The following CACNB4 variants were observed in gnomAD, a reference collection of about 807,000 sequenced individuals.
The protein encoded by CACNB4 is calcium voltage-gated channel auxiliary subunit beta 4, also known as voltage-dependent L-type calcium channel subunit beta-4.
A neutral mutation model predicts 71.2 loss-of-function variants in CACNB4; 32 were observed. The observed-to-expected ratio is 0.45, with a 90% CI of 0.34 to 0.60. CACNB4 has a LOEUF of 0.60. CACNB4 is among the 20% of genes least tolerant of loss of function. The pLI, the probability that CACNB4 is intolerant of heterozygous loss-of-function variation, is 0.01. For missense variants in CACNB4, 464 were observed against 647.9 expected (o/e 0.72, Z 3.08); for synonymous variants, 231 against 236.9 (o/e 0.97, Z 0.23).
chr2:152,007,388 C>A (rs1682789460), intron 2 of CACNB4, among the ~76,000 whole-genome samples: 1 of 152,234 alleles, frequency 6.6e-6, no homozygotes, highest in South Asian at 2.1e-4. Flanking sequence ...TGTCCTCCCC[C>A]AAACCCTGGC....
chr2:152,059,745 GTGAGGACATGAAATT>G (rs1160559416), intron 2 of CACNB4, among the ~76,000 whole-genome samples: 1 of 152,226 alleles, frequency 6.6e-6, no homozygotes, highest in Non-Finnish European at 1.5e-5. Context: ...GTTTTGCAAT[GTGAGGACATGAAATT>G]TGGGAGAGGC....
intron 2 of CACNB4, among the ~76,000 whole-genome samples, chr2:151,981,111 T>C (rs1337573065): frequency 1.3e-5 from 2 of 152,114 alleles, no homozygotes; most frequent in African/African-American, 4.8e-5. Flanking sequence ...CCTTCTCCCA[T>C]ACTTCCATAA....
At chr2:151,879,302 C>T (rs148813235) in intron 4 of CACNB4, among the ~76,000 whole-genome samples, 11 of 152,228 alleles carry the variant, frequency 7.2e-5, no homozygotes, top group African/African-American at 2.2e-4. Flanking sequence ...TAGGAAACAG[C>T]GAAAGCACAG....
At chr2:152,044,940 G>A (rs1411964928) in intron 2 of CACNB4, among the ~76,000 whole-genome samples, 2 of 152,130 alleles carry the variant, frequency 1.3e-5, no homozygotes, top group African/African-American at 2.4e-5. Context: ...TGAAGCAGGG[G>A]AAAGAGAAGA....
chr2:151,970,933 T>C (rs1456737118), intron 2 of CACNB4: 15 of 148,472 alleles, frequency 1.0e-4, no homozygotes, highest in Admixed American at 3.4e-4. Context: ...CCAAAAAGGC[T>C]CCACAGGACT....
chr2:151,887,495 T>C (rs890892652), intron 2 of CACNB4, among the ~76,000 whole-genome samples: 2 of 151,866 alleles, frequency 1.3e-5, no homozygotes, highest in African/African-American at 4.8e-5. Flanking sequence ...TCTTCTCAAG[T>C]ACAAAATGCA....
chr2:151,839,913 T>A (rs1381919384), intron 13 of CACNB4, among the ~76,000 whole-genome samples: 2 of 152,208 alleles, frequency 1.3e-5, no homozygotes, highest in Non-Finnish European at 1.5e-5. Flanking sequence ...CCTACATAAA[T>A]GTAATAATCT....
intron 2 of CACNB4, among the ~76,000 whole-genome samples, chr2:152,062,640 G>A (rs1191895507): frequency 6.6e-6 from 1 of 152,138 alleles, no homozygotes; most frequent in East Asian, 1.9e-4. Flanking sequence ...TCTTCACGGA[G>A]CACTGAACGT....
chr2:151,952,432 C>G (rs1433494743), intron 2 of CACNB4, among the ~76,000 whole-genome samples: 1 of 152,244 alleles, frequency 6.6e-6, no homozygotes, highest in African/African-American at 2.4e-5. Context: ...CTCTGAAGGT[C>G]CCTCTTACTG....
intron 9 of CACNB4, among the ~76,000 whole-genome samples, chr2:151,863,122 G>C (rs2099842174): frequency 6.6e-6 from 1 of 151,824 alleles, no homozygotes; most frequent in African/African-American, 2.4e-5. Flanking sequence ...CTGGAGTGCA[G>C]TGGTGCAATC....
At chr2:151,887,431 C>CA (rs5835386) in intron 2 of CACNB4, among the ~76,000 whole-genome samples, 8 of 146,028 alleles carry the variant, frequency 5.5e-5, no homozygotes, top group African/African-American at 2.0e-4. Flanking sequence ...GACCCTGTCT[C>CA]AAAAAAAAAA....
rs1331190288 is a variant in CACNB4, at chr2:151,946,381, T to G, written c.148-63011A>C. 2.0e-5 allele frequency among the ~76,000 whole-genome samples: 3 copies of G among 151,316 alleles called. No homozygotes were observed. In the South Asian group the frequency reaches 6.3e-4, roughly 32 times the overall value. ...GCTTCAGTGACCAACCTTCCTGGTT[T>G]GCCTGGGACTTCAGTGTTTCCCAGG... On this transcript the variant is annotated intron_variant, in intron 2 of 13. Coordinates refer to ENST00000539935, the MANE Select transcript of CACNB4 (RefSeq NM_000726.5).
intron 2 of CACNB4, among the ~76,000 whole-genome samples, chr2:152,037,867 C>A (rs34139080): frequency 3.3e-5 from 5 of 152,078 alleles, no homozygotes; most frequent in African/African-American, 7.2e-5. Context: ...GCTGCTCCCC[C>A]CTCATCCTTG....
rs200636641 is a variant in CACNB4 at position 152,098,462 on chromosome 2, G to T, written c.64-49C>A. ...GAGAGAAGCCGGTGAGGACCGCAGC[G>T]CAGAGCGGGGCGACCACCCCCGGCT... is the stretch of plus-strand genomic sequence containing the variant. On this transcript the variant is annotated intron_variant, in intron 1 of 13. Coordinates refer to ENST00000539935, the MANE Select transcript of CACNB4 (RefSeq NM_000726.5). This position sits in a 1 kb window ranked among gnomAD's most constrained non-coding sequence, Gnocchi z 5.3. The T allele has an allele frequency of 4.6e-5, 70 of 1,528,842 alleles. No individual in the cohort carries two copies. Among genetic ancestry groups the T allele is most frequent in the Non-Finnish European group, 6.3e-5 (69 of 1,103,098 alleles). 94.7% of individuals were successfully genotyped at this position (1,528,842 alleles called of 1,614,324 possible).
chr2:152,020,405 G>A (rs10169448), intron 2 of CACNB4, among the ~76,000 whole-genome samples: 33,166 of 152,182 alleles, frequency 0.22, 3,800 homozygotes, highest in Middle Eastern at 0.4. Flanking sequence ...TGATGCTTCA[G>A]AGAGCATTTC....
At chr2:151,993,157 T>TG (rs1483135757) in intron 2 of CACNB4, among the ~76,000 whole-genome samples, 1 of 151,930 alleles carries the variant, frequency 6.6e-6, no homozygotes, top group African/African-American at 2.4e-5. Flanking sequence ...TTTTGTTTTT[T>TG]TTTTTTTTAA....
At chr2:151,940,502 C>T (rs2099863967) in intron 2 of CACNB4, among the ~76,000 whole-genome samples, 1 of 152,206 alleles carries the variant, frequency 6.6e-6, no homozygotes, top group South Asian at 2.1e-4. Context: ...CCCCTCATGG[C>T]TTGGGCACAT....
intron 2 of CACNB4, among the ~76,000 whole-genome samples, chr2:152,004,701 A>G (rs1682625011): frequency 6.6e-6 from 1 of 152,168 alleles, no homozygotes; most frequent in African/African-American, 2.4e-5. Flanking sequence ...TACAAAATCT[A>G]CCAGCAGAAT....
chr2:151,879,707 G>A (rs145101665), intron 4 of CACNB4: 217 of 152,292 alleles, frequency 1.4e-3, no homozygotes, highest in African/African-American at 4.9e-3. Context: ...ATGAAAACAA[G>A]AGGCTCTGGT....
Sources: allele counts gnomAD v4.1 joint callset (sites outside exome capture counted in the v4.1 genomes callset), GRCh38; gene constraint gnomAD v4.1.1; non-coding constraint Gnocchi (gnomAD v3.1); transcripts MANE v1.5; gene names NCBI Gene and HGNC (gene_info 2026-07-23, HGNC 2026-07-21).